RALA: variants seen among roughly 807,000 people sequenced by gnomAD.
RALA encodes ras-related protein Ral-A.
Under a neutral mutation model 24.0 loss-of-function variants are expected in RALA, and 5 were observed. That is an observed-to-expected ratio of 0.21 (90% confidence interval 0.11 to 0.44). The LOEUF is 0.44. RALA is among the 20% of genes least tolerant of loss of function. RALA has a pLI of 0.99. For missense variants in RALA, 95 were observed against 241.2 expected (o/e 0.39, Z 4.01); for synonymous variants, 77 against 83.8 (o/e 0.92, Z 0.44).
At chr7:39,680,394 A>AAAAC (rs528960786) in intron 1 of RALA, among the ~76,000 whole-genome samples, 1 of 103,068 alleles carries the variant, frequency 9.7e-6, no homozygotes, top group African/African-American at 5.0e-5. Flanking sequence ...AACAAAAACA[A>AAAAC]AAAAAACACA....
intron 1 of RALA, among the ~76,000 whole-genome samples, chr7:39,685,544 A>G (rs1038845749): frequency 6.6e-6 from 1 of 152,148 alleles, no homozygotes; most frequent in Non-Finnish European, 1.5e-5. Context: ...GTGGCCTCAC[A>G]GGATTTTTTC....
At chr7:39,672,915 A>G (rs1412240634) in intron 1 of RALA, among the ~76,000 whole-genome samples, 1 of 152,226 alleles carries the variant, frequency 6.6e-6, no homozygotes, top group Non-Finnish European at 1.5e-5. Flanking sequence ...TACATTTATC[A>G]AAACTCATTA....
chr7:39,667,319 A>G (rs1478602950), intron 1 of RALA, among the ~76,000 whole-genome samples: 1 of 152,198 alleles, frequency 6.6e-6, no homozygotes, highest in Admixed American at 6.5e-5. Context: ...ATATGTGTCT[A>G]CCTCCTCTTA....
intron 1 of RALA, among the ~76,000 whole-genome samples, chr7:39,649,354 A>G (rs754245143): frequency 1.1e-4 from 17 of 152,176 alleles, no homozygotes; most frequent in Admixed American, 2.0e-4. Context: ...TATGGTTTGA[A>G]TGTTTGTGTT....
At chr7:39,650,965 A>G (rs1459535338) in intron 1 of RALA, among the ~76,000 whole-genome samples, 1 of 152,204 alleles carries the variant, frequency 6.6e-6, no homozygotes, top group Non-Finnish European at 1.5e-5. Flanking sequence ...GTAGAAAGTA[A>G]TGAGACAGAG....
intron 3 of RALA, among the ~76,000 whole-genome samples, chr7:39,695,858 T>TA (rs1259229565): frequency 6.6e-6 from 1 of 152,238 alleles, no homozygotes; most frequent in East Asian, 1.9e-4. Context: ...ACCTAAGTCT[T>TA]ACAGATTTCC....
At chr7:39,696,595 A>G (rs1792926080) in intron 3 of RALA, 90 bp from the exon 4 acceptor site, 1 of 1,057,918 alleles carries the variant, frequency 9.5e-7, no homozygotes, top group East Asian at 2.6e-5. Flanking sequence ...GTAGATGTTA[A>G]CAATAGGGAA....
chr7:39,629,879 G>A lies in RALA; in HGVS notation c.-38+6054G>A, dbSNP rs566419479. On this transcript the variant is annotated intron_variant, in intron 1 of 4. Transcript: ENST00000005257. ...AAAAGTGTTGGGATTACAGGCATGA[G>A]CCACCGTGCCTGACCCTAATTTTGT... 1.1e-3 allele frequency among the ~76,000 whole-genome samples: 168 copies of A among 152,246 alleles called. 1 individual carries two copies. Among genetic ancestry groups the A allele is most frequent in the African/African-American group, 3.6e-3 (150 of 41,536 alleles).
chr7:39,661,368 C>G lies in RALA; in HGVS notation c.-37-25263C>G, dbSNP rs185449111. Among the ~76,000 whole-genome samples, 446 of 152,346 alleles carry G rather than the reference C, an allele frequency of 2.9e-3. 5 individuals are homozygous for G. The highest frequency in any genetic ancestry group is 0.01 in the African/African-American group (427 of 41,590). On this transcript the variant is annotated intron_variant, in intron 1 of 4. Transcript: ENST00000005257. ...CTCATTTCAGCATTAACTCAAAAGT[C>G]CACAGTTCAGTCACATCTAGACAAG...
intron 1 of RALA, among the ~76,000 whole-genome samples, chr7:39,681,209 C>T (rs1204038939): frequency 6.6e-6 from 1 of 151,718 alleles, no homozygotes; most frequent in Non-Finnish European, 1.5e-5. Context: ...CTAACAACAC[C>T]TTCCCATTAT....
chr7:39,640,214 T>A (rs373218596), intron 1 of RALA, among the ~76,000 whole-genome samples: 1 of 151,944 alleles, frequency 6.6e-6, no homozygotes, highest in East Asian at 1.9e-4. Flanking sequence ...CCTGGCTAAT[T>A]TTTGTAGAAA....
chr7:39,651,224 T>C (rs747953338), intron 1 of RALA, among the ~76,000 whole-genome samples: 24 of 152,260 alleles, frequency 1.6e-4, no homozygotes, highest in Non-Finnish European at 2.6e-4. Context: ...CTTCTGAGCA[T>C]GTTCAGGGTA....
intron 1 of RALA, among the ~76,000 whole-genome samples, chr7:39,630,192 T>C (rs1013063415): frequency 2.7e-5 from 4 of 149,172 alleles, no homozygotes; most frequent in African/African-American, 7.4e-5. Context: ...TATAGGTGCA[T>C]GCCACCATGC....
intron 1 of RALA, among the ~76,000 whole-genome samples, chr7:39,665,554 C>G (rs1452063836): frequency 6.6e-6 from 1 of 151,786 alleles, no homozygotes; most frequent in Non-Finnish European, 1.5e-5. Context: ...GTATAACACA[C>G]TATACAGTAA....
intron 1 of RALA, among the ~76,000 whole-genome samples, chr7:39,666,311 G>GA (rs1189658108): frequency 6.6e-6 from 1 of 152,156 alleles, no homozygotes; most frequent in East Asian, 1.9e-4. Flanking sequence ...TTATAGTCAT[G>GA]AAAAAACACT....
At chr7:39,701,657 A>G (rs1793029214) in intron 4 of RALA, among the ~76,000 whole-genome samples, 1 of 152,254 alleles carries the variant, frequency 6.6e-6, no homozygotes, top group Non-Finnish European at 1.5e-5. Flanking sequence ...GCTTTGTCAC[A>G]GAACAAATGC....
rs574637046 is a variant in RALA, at chr7:39,639,673, A to C, written c.-38+15848A>C. On this transcript the variant is annotated intron_variant, in intron 1 of 4. Coordinates refer to ENST00000005257, the MANE Select transcript of RALA (RefSeq NM_005402.4). ...TTTGTCCTATGATCATAGACTTTAC[A>C]GATTTTTATTTTCTGATAATTTGTA... 3.3e-5 allele frequency among the ~76,000 whole-genome samples: 5 copies of C among 152,290 alleles called. No homozygotes were observed. The South Asian group carries it at 1.0e-3, about 32-fold the overall frequency.
At chr7:39,626,512 CA>C (rs1791490719) in intron 1 of RALA, among the ~76,000 whole-genome samples, 1 of 152,204 alleles carries the variant, frequency 6.6e-6, no homozygotes, top group Admixed American at 6.5e-5. Context: ...TCTTGGACAT[CA>C]AGTGTGGCCT....
intron 1 of RALA, among the ~76,000 whole-genome samples, chr7:39,644,631 C>T (rs989467622): frequency 2.6e-5 from 4 of 152,052 alleles, no homozygotes; most frequent in Non-Finnish European, 4.4e-5. Flanking sequence ...TTCCTTCAAC[C>T]CCAGCTGTTC....
Sources: allele counts gnomAD v4.1 joint callset (sites outside exome capture counted in the v4.1 genomes callset), GRCh38; gene constraint gnomAD v4.1.1; transcripts MANE v1.5; gene names NCBI Gene and HGNC (gene_info 2026-07-23, HGNC 2026-07-21).